Variants in SLC25A37 observed in about 807,000 individuals in gnomAD.
The protein encoded by SLC25A37 is solute carrier family 25 member 37, also known as mitoferrin-1.
A neutral mutation model predicts 31.0 loss-of-function variants in SLC25A37; 17 were observed. The observed-to-expected ratio is 0.55, with a 90% confidence interval of 0.38 to 0.82. SLC25A37 has a LOEUF of 0.82. Among genes scored for constraint, SLC25A37 ranks in the 40% least tolerant of loss-of-function variants. The probability of loss-of-function intolerance (pLI) is 0.00; values close to 1 mark genes in which losing one functional copy is unlikely to be tolerated. For synonymous variants in SLC25A37, 222 were observed against 193.0 expected (o/e 1.15, Z -1.24); for missense variants, 404 against 465.8 (o/e 0.87, Z 1.22).
intron 1 of SLC25A37, among the ~76,000 whole-genome samples, chr8:23,551,844 C>T (rs1055153222): frequency 6.6e-6 from 1 of 152,128 alleles, no homozygotes; most frequent in African/African-American, 2.4e-5. Flanking sequence ...CTATATATTC[C>T]ATCAGAAACT....
At chr8:23,552,068 T>G (rs1802241835) in intron 1 of SLC25A37, among the ~76,000 whole-genome samples, 2 of 152,194 alleles carry the variant, frequency 1.3e-5, no homozygotes, top group South Asian at 4.2e-4. Flanking sequence ...TACTGTTCTT[T>G]GGGCCATACA....
At chr8:23,564,558 A>C (rs968747533) in intron 1 of SLC25A37, among the ~76,000 whole-genome samples, 1 of 151,812 alleles carries the variant, frequency 6.6e-6, no homozygotes, top group Admixed American at 6.6e-5. Context: ...GGGAGGAAGA[A>C]GGAAGGAGGG....
chr8:23,534,444 C>T (rs968498763), intron 1 of SLC25A37, among the ~76,000 whole-genome samples: 5 of 152,180 alleles, frequency 3.3e-5, no homozygotes, highest in African/African-American at 9.7e-5. Flanking sequence ...GATTTTCTTC[C>T]TGCTTTCTCT....
At chr8:23,557,309 T>G (rs9644032) in intron 1 of SLC25A37, among the ~76,000 whole-genome samples, 102,393 of 151,904 alleles carry the variant, frequency 0.67, 34,856 homozygotes, top group East Asian at 0.77. Flanking sequence ...TTTGGACGGG[T>G]AGTGCCAACG....
intron 1 of SLC25A37, among the ~76,000 whole-genome samples, chr8:23,547,021 A>G (rs1802087410): frequency 6.6e-6 from 1 of 152,166 alleles, no homozygotes; most frequent in South Asian, 2.1e-4. Flanking sequence ...GGCCTTGGAT[A>G]AGAACTCTTG....
At chr8:23,560,435 A>T (rs1480042001) in intron 1 of SLC25A37, among the ~76,000 whole-genome samples, 1 of 152,090 alleles carries the variant, frequency 6.6e-6, no homozygotes. Context: ...CCTTCGAGGC[A>T]CCCTGGTGGT....
chr8:23,538,570 C>T (rs895446925), intron 1 of SLC25A37, among the ~76,000 whole-genome samples: 6 of 150,006 alleles, frequency 4.0e-5, no homozygotes, highest in Non-Finnish European at 7.4e-5. Context: ...TAGAACCCAG[C>T]AAGCAGCAGC....
chr8:23,556,064 C>G (rs1026261823), intron 1 of SLC25A37, among the ~76,000 whole-genome samples: 2 of 146,946 alleles, frequency 1.4e-5, no homozygotes, highest in African/African-American at 5.1e-5. Context: ...GAGCAGGAAG[C>G]TTTTTTCAGA....
rs1802881313 is a variant in SLC25A37, at chr8:23,572,265, T to TTGCATTAC, written c.*411_*418dup. 1 of 147,050 alleles carries TTGCATTAC rather than the reference T, an allele frequency of 6.8e-6. No individual in the cohort carries two copies. The highest frequency in any genetic ancestry group is 1.4e-5 in the Non-Finnish European group (1 of 70,086). 9.1% of individuals were successfully genotyped at this position (147,050 alleles called of 1,614,324 possible). A position where few individuals can be genotyped will look rare whatever the true frequency, so the allele number is the denominator to read the frequency against. The stretch of plus-strand genomic sequence containing the variant: ...AAAAAAAAATTTATGTATATAAAAG[T>TTGCATTAC]TGCATTACACAGTACAAAATAGATG... On this transcript the variant is annotated 3_prime_UTR_variant, in exon 4 of 4. Coordinates refer to ENST00000519973, the MANE Select transcript of SLC25A37 (RefSeq NM_016612.4).
chr8:23,558,981 C>G (rs1802439537), intron 1 of SLC25A37, among the ~76,000 whole-genome samples: 1 of 152,202 alleles, frequency 6.6e-6, no homozygotes, highest in South Asian at 2.1e-4. Context: ...CTCTCTCTGA[C>G]ACCTGGATGT....
rs994085890 is a variant in SLC25A37 at position 23,529,543 on chromosome 8, G to A, written c.210+331G>A. 1.3e-5 allele frequency among the ~76,000 whole-genome samples: 2 copies of A among 152,256 alleles called. No homozygotes were observed. Among genetic ancestry groups the A allele is most frequent in the Middle Eastern group, 3.4e-3 (1 of 292 alleles). On this transcript the variant is annotated intron_variant, in intron 1 of 3. Transcript: ENST00000519973. This position sits in a 1 kb window ranked among gnomAD's most constrained non-coding sequence, Gnocchi z 4.1. ...GACTGGGCTCCCGGGGGACGCGATC[G>A]CTGAAGCTCTGCACAGTCTTACCAC...
At chr8:23,554,122 G>A (rs150710220) in intron 1 of SLC25A37, among the ~76,000 whole-genome samples, 186 of 152,292 alleles carry the variant, frequency 1.2e-3, no homozygotes, top group African/African-American at 4.3e-3. Context: ...TCTTCCTTCT[G>A]TACTTTGTGA....
intron 1 of SLC25A37, among the ~76,000 whole-genome samples, chr8:23,536,454 G>C (rs951152584): frequency 7.2e-5 from 11 of 151,976 alleles, no homozygotes; most frequent in Non-Finnish European, 1.5e-4. Flanking sequence ...TCCTGCCAGG[G>C]GCACCTCCGA....
chr8:23,566,625 TG>T (rs201829621), intron 2 of SLC25A37: 29 of 1,074,404 alleles, frequency 2.7e-5, no homozygotes, highest in Non-Finnish European at 3.1e-5. Context: ...TATTTTTTTT[TG>T]TTTGTTTTGT....
intron 1 of SLC25A37, among the ~76,000 whole-genome samples, chr8:23,543,953 C>T (rs148643869): frequency 0.022 from 3,297 of 151,964 alleles, 43 homozygotes; most frequent in East Asian, 0.072. Flanking sequence ...CTCTGCCTAC[C>T]GGGTTCAAGC....
At chr8:23,558,841 T>G (rs1802435471) in intron 1 of SLC25A37, among the ~76,000 whole-genome samples, 1 of 152,112 alleles carries the variant, frequency 6.6e-6, no homozygotes, top group Non-Finnish European at 1.5e-5. Context: ...GAGGAATGCT[T>G]ATTCATAGGC....
intron 2 of SLC25A37, 80 bp from the exon 3 acceptor site, chr8:23,568,242 G>A: frequency 6.6e-7 from 1 of 1,509,670 alleles, no homozygotes; most frequent in Non-Finnish European, 9.2e-7. Context: ...TAAGTCCTGG[G>A]TTCCGTCTGA....
At chr8:23,533,044 G>C (rs1801693204) in intron 1 of SLC25A37, among the ~76,000 whole-genome samples, 1 of 148,168 alleles carries the variant, frequency 6.7e-6, no homozygotes, top group South Asian at 2.1e-4. Context: ...ACATCCCCCT[G>C]CTCCCTTCTT....
At position 23,572,699 on chromosome 8, in the gene SLC25A37, G is replaced by A. The variant is rs987803881; in HGVS notation, c.*844G>A. On this transcript the variant is annotated 3_prime_UTR_variant, in exon 4 of 4. Coordinates refer to ENST00000519973, the MANE Select transcript of SLC25A37 (RefSeq NM_016612.4). ...CTTTCCCCAAAATTCCAGGACCAGA[G>A]ATCTGGCCCTGGCCTATTTTCTCTT... The A allele has an allele frequency of 4.6e-5, 7 of 151,736 alleles. No individual in the cohort carries two copies. Among genetic ancestry groups the A allele is most frequent in the Non-Finnish European group, 7.4e-5 (5 of 67,986 alleles). 9.4% of individuals were successfully genotyped at this position (151,736 alleles called of 1,614,324 possible). A position where few individuals can be genotyped will look rare whatever the true frequency, so the allele number is the denominator to read the frequency against.
Sources: allele counts gnomAD v4.1 joint callset (sites outside exome capture counted in the v4.1 genomes callset), GRCh38; gene constraint gnomAD v4.1.1; non-coding constraint Gnocchi (gnomAD v3.1); transcripts MANE v1.5; gene names NCBI Gene and HGNC (gene_info 2026-07-23, HGNC 2026-07-21).